COL14A1: variants seen among roughly 807,000 people sequenced by gnomAD.
COL14A1 encodes collagen type XIV alpha 1 chain.
COL14A1 carries 136 observed loss-of-function variants against 230.3 expected under a neutral mutation model. That is an observed-to-expected ratio of 0.59 (90% CI 0.51 to 0.68). COL14A1 has a LOEUF of 0.68. Ranked by LOEUF, COL14A1 falls within the 30% of genes least tolerant of loss-of-function variation. The pLI is 0.00. For synonymous variants in COL14A1, 792 were observed against 784.1 expected (o/e 1.01, Z -0.17); for missense variants, 1,976 against 2,215.8 (o/e 0.89, Z 2.17).
At chr8:120,258,068 T>C (rs2129733565) in intron 23 of COL14A1, among the ~76,000 whole-genome samples, 1 of 152,344 alleles carries the variant, frequency 6.6e-6, no homozygotes, top group African/African-American at 2.4e-5. Flanking sequence ...CGTTGTATCA[T>C]TCAGGCTTGT....
intron 16 of COL14A1, among the ~76,000 whole-genome samples, chr8:120,227,002 A>C (rs541288187): frequency 2.6e-5 from 4 of 152,170 alleles, no homozygotes; most frequent in Non-Finnish European, 5.9e-5. Context: ...TTAATAAATG[A>C]CATTTAATAC....
At chr8:120,251,543 A>G (rs967414832) in intron 22 of COL14A1, among the ~76,000 whole-genome samples, 4 of 152,124 alleles carry the variant, frequency 2.6e-5, no homozygotes, top group Non-Finnish European at 5.9e-5. Context: ...AGTGGCATAC[A>G]CCACTCCCAG....
In COL14A1 at chr8:120,345,489, C is replaced by G. The variant is rs770636674; in HGVS notation, c.5003C>G (p.Pro1668Arg). ...EPGRPGSPGA[P>R]GEQGPPGTPG... is the part of the protein sequence containing the mutation. ...GGGAGGCCAGGCTCACCTGGAGCCC[C>G]TGGTGAACAAGGACCCCCAGGCACA... The change falls in exon 45 of 48, where the codon CCT becomes CGT. Residue 1668 changes from proline (P) to arginine (R), a missense_variant. Transcript: ENST00000297848. 7 of 1,605,436 alleles carry G rather than the reference C, an allele frequency of 4.4e-6. No homozygotes were observed. In the South Asian group the frequency reaches 5.6e-5, roughly 13 times the overall value.
chr8:120,236,450 T>G (rs1202648177), intron 19 of COL14A1, among the ~76,000 whole-genome samples: 1 of 152,132 alleles, frequency 6.6e-6, no homozygotes, highest in Non-Finnish European at 1.5e-5. Context: ...CTGCTTTTTT[T>G]TTTTGCTTTC....
chr8:120,368,739 G>A (rs189160164), intron 46 of COL14A1, among the ~76,000 whole-genome samples: 3 of 152,138 alleles, frequency 2.0e-5, no homozygotes, highest in South Asian at 2.1e-4. Flanking sequence ...ATATTGGGTC[G>A]AATGTCAAAC....
At chr8:120,151,294 G>C (rs949013535) in intron 2 of COL14A1, among the ~76,000 whole-genome samples, 5 of 152,006 alleles carry the variant, frequency 3.3e-5, no homozygotes, top group African/African-American at 1.2e-4. Context: ...TTAGTAGTGA[G>C]TTCCTGTGGG....
chr8:120,332,544 G>A (rs1821907259), intron 41 of COL14A1, 120 bp from the exon 42 acceptor site: 1 of 805,240 alleles, frequency 1.2e-6, no homozygotes. Flanking sequence ...ATGAGGTCCT[G>A]GTGATGAGGG....
chr8:120,124,861 C>T (rs1814265823), upstream of COL14A1, among the ~76,000 whole-genome samples: 1 of 152,020 alleles, frequency 6.6e-6, no homozygotes, highest in Non-Finnish European at 1.5e-5. Flanking sequence ...GAGCCTGGCT[C>T]GCTCTCGGCG....
intron 42 of COL14A1, among the ~76,000 whole-genome samples, chr8:120,337,929 C>A (rs1186936013): frequency 6.6e-6 from 1 of 152,178 alleles, no homozygotes; most frequent in Non-Finnish European, 1.5e-5. Flanking sequence ...CTAGCTGCAT[C>A]CTTTGGCTAC....
chr8:120,215,601 G>C (rs1203995461), intron 13 of COL14A1, among the ~76,000 whole-genome samples: 1 of 152,054 alleles, frequency 6.6e-6, no homozygotes, highest in Admixed American at 6.6e-5. Flanking sequence ...ATAGTAGGGG[G>C]AAGATGGAAG....
chr8:120,277,920 T>G, intron 26 of COL14A1, 191 bp from the exon 27 acceptor site: 1 of 424,090 alleles, frequency 2.4e-6, no homozygotes, highest in Non-Finnish European at 4.0e-6. Context: ...AATAAAATTT[T>G]TAAAAAAGAA....
chr8:120,369,217 C>T (rs541801061), intron 46 of COL14A1, 113 bp from the exon 47 acceptor site: 177 of 1,085,682 alleles, frequency 1.6e-4, no homozygotes, highest in African/African-American at 3.2e-4. Context: ...AAGAGGTTGT[C>T]CTAATTGTCC....
At chr8:120,318,935 T>C (rs540936689) in intron 40 of COL14A1, among the ~76,000 whole-genome samples, 98 of 152,266 alleles carry the variant, frequency 6.4e-4, no homozygotes, top group Non-Finnish European at 1.4e-3. Flanking sequence ...CACTTAACGT[T>C]ACTGTGCCTT....
chr8:120,208,835 AAC>A (rs1470982182), intron 11 of COL14A1, among the ~76,000 whole-genome samples: 1 of 152,144 alleles, frequency 6.6e-6, no homozygotes, highest in African/African-American at 2.4e-5. Flanking sequence ...GGATCGTAAT[AAC>A]ACACCATGAC....
intron 46 of COL14A1, among the ~76,000 whole-genome samples, chr8:120,368,620 A>C (rs1309723895): frequency 6.6e-6 from 1 of 152,170 alleles, no homozygotes; most frequent in East Asian, 1.9e-4. Flanking sequence ...AAAAAAAAAA[A>C]AAACATGCTG....
intron 23 of COL14A1, among the ~76,000 whole-genome samples, chr8:120,261,396 A>T (rs989197352): frequency 6.6e-6 from 1 of 152,258 alleles, no homozygotes; most frequent in Non-Finnish European, 1.5e-5. Flanking sequence ...ATTGCCTGGC[A>T]CATGATAAGC....
Position 120,369,393 on chromosome 8 carries a change from C to T in COL14A1, c.5219C>T (p.Pro1740Leu), listed in dbSNP as rs751487904. Residue 1740 changes from proline (P) to leucine (L), a missense_variant, in exon 47 of 48, where the codon CCA becomes CTA. Physicochemically the swap from Pro to Leu is moderately conservative, Grantham distance 98 (BLOSUM62 -3). Around this residue, in one of 3 missense-constraint regions of COL14A1, gnomAD observed 1,791 missense variants for 2,019.5 expected, o/e 0.89. Coordinates refer to ENST00000297848, the MANE Select transcript of COL14A1 (RefSeq NM_021110.4). ...CCTGGCTCTCCTGGACCAAGAGGCC[C>T]ACCAGGTCATCTGGGGGTTCCTGGA... ...GPPGSPGPRG[P>L]PGHLGVPGPQ... 5.6e-6 allele frequency: 9 copies of T among 1,609,744 alleles called. No homozygotes were observed. The highest frequency in any genetic ancestry group is 7.6e-6 in the Non-Finnish European group (9 of 1,178,140).
intron 26 of COL14A1, 167 bp from the exon 27 acceptor site, chr8:120,277,944 T>G: frequency 1.8e-6 from 1 of 566,330 alleles, no homozygotes; most frequent in Non-Finnish European, 2.9e-6. Flanking sequence ...ATGTATTTAA[T>G]TTGTCTTCAA....
intron 34 of COL14A1, among the ~76,000 whole-genome samples, chr8:120,296,810 A>C (rs1820543954): frequency 6.6e-6 from 1 of 152,150 alleles, no homozygotes; most frequent in East Asian, 1.9e-4. Context: ...TCAATGGCTT[A>C]AATAAGAATA....
Sources: allele counts gnomAD v4.1 joint callset (sites outside exome capture counted in the v4.1 genomes callset), GRCh38; gene constraint gnomAD v4.1.1; regional missense constraint gnomAD v4.1.1; transcripts MANE v1.5; gene names NCBI Gene and HGNC (gene_info 2026-07-23, HGNC 2026-07-21).